Variants in PPFIBP2 observed in about 807,000 individuals in gnomAD.
PPFIBP2 encodes liprin-beta-2.
In PPFIBP2, 118 loss-of-function variants were observed where a neutral mutation model predicts 118.3. The ratio of observed to expected loss-of-function variants is 1.00; its 90% confidence interval spans 0.86 to 1.16. The LOEUF (loss-of-function observed/expected upper bound fraction) is 1.16. Among genes scored for constraint, PPFIBP2 ranks in the 50% most tolerant of loss-of-function variants. The pLI is 0.00. For missense variants in PPFIBP2, 1,195 were observed against 1,073.1 expected, an observed-to-expected ratio of 1.11 and a Z score of -1.59; for synonymous variants, 414 against 397.4, an observed-to-expected ratio of 1.04 and a Z score of -0.50.
rs184338661 is a variant in PPFIBP2, at chr11:7,530,469, G to A, written c.-37+16348G>A. ...CTTGGGAGGTGATTAGGTCATGAGA[G>A]TGGAGCCCTCATGCTTGAGATTGGT... On this transcript the variant is annotated intron_variant, in intron 1 of 23. Transcript: ENST00000299492. 1.6e-3 allele frequency among the ~76,000 whole-genome samples: 238 copies of A among 152,266 alleles called. 2 individuals carry two copies. Among genetic ancestry groups the A allele is most frequent in the Non-Finnish European group, 2.4e-3 (161 of 68,024 alleles).
At chr11:7,600,640 A>G (rs1861263603) in intron 5 of PPFIBP2, among the ~76,000 whole-genome samples, 1 of 152,094 alleles carries the variant, frequency 6.6e-6, no homozygotes, top group Non-Finnish European at 1.5e-5. Context: ...TCTGAAGGAA[A>G]TCCTTTCACT....
intron 3 of PPFIBP2, among the ~76,000 whole-genome samples, chr11:7,584,789 T>C (rs993938663): frequency 1.3e-5 from 2 of 152,150 alleles, no homozygotes; most frequent in African/African-American, 4.8e-5. Context: ...TCTTCTAAGT[T>C]TCTAAAAGGG....
chr11:7,657,103 G>T, downstream of PPFIBP2: 1 of 253,244 alleles, frequency 3.9e-6, no homozygotes, highest in South Asian at 4.8e-5. Flanking sequence ...AGACTCGATG[G>T]CTCGTGATAT....
At chr11:7,648,996 G>A (rs1853564829) in intron 19 of PPFIBP2, 85 bp downstream of exon 19, 3 of 1,382,346 alleles carry the variant, frequency 2.2e-6, no homozygotes, top group South Asian at 2.4e-5. Context: ...GGTACCTCAA[G>A]GACAGCTGTC....
chr11:7,559,051 C>A (rs1853988970), intron 2 of PPFIBP2, among the ~76,000 whole-genome samples: 1 of 152,162 alleles, frequency 6.6e-6, no homozygotes, highest in Non-Finnish European at 1.5e-5. Context: ...GCCCAGGCAT[C>A]TGGAGTTTGT....
chr11:7,657,434 C>T (rs1057452882), downstream of PPFIBP2, among the ~76,000 whole-genome samples: 1 of 151,558 alleles, frequency 6.6e-6, no homozygotes, highest in African/African-American at 2.4e-5. Flanking sequence ...AGAGGCGTCC[C>T]CAACACGTGC....
intron 23 of PPFIBP2, among the ~76,000 whole-genome samples, chr11:7,652,754 TAAG>T (rs1565133230): frequency 6.6e-6 from 1 of 152,200 alleles, no homozygotes; most frequent in African/African-American, 2.4e-5. Flanking sequence ...TCTATGGAAA[TAAG>T]AAAGTCACTT....
At chr11:7,582,257 T>A (rs1590360536) in intron 3 of PPFIBP2, among the ~76,000 whole-genome samples, 1 of 152,178 alleles carries the variant, frequency 6.6e-6, no homozygotes, top group Admixed American at 6.5e-5. Context: ...CAACCTTGAT[T>A]CTGAAAAGAG....
At chr11:7,540,736 G>A (rs887104987) in intron 1 of PPFIBP2, among the ~76,000 whole-genome samples, 7 of 152,202 alleles carry the variant, frequency 4.6e-5, no homozygotes, top group Admixed American at 1.3e-4. Flanking sequence ...AGATGGCTGT[G>A]CACAGCTGCT....
intron 1 of PPFIBP2, among the ~76,000 whole-genome samples, chr11:7,544,699 G>A (rs577635491): frequency 2.7e-5 from 4 of 150,350 alleles, no homozygotes; most frequent in East Asian, 3.9e-4. Context: ...GCATGAACCC[G>A]GGAGGCGGAG....
chr11:7,666,853 G>A, the PPFIBP2 span: 2 of 215,628 alleles, frequency 9.3e-6, no homozygotes, highest in African/African-American at 2.3e-5. Flanking sequence ...GGCTTCACTC[G>A]GAGCTCCAGC....
At chr11:7,598,011 G>T (rs147651539) in intron 5 of PPFIBP2, 42 of 216,604 alleles carry the variant, frequency 1.9e-4, no homozygotes, top group African/African-American at 8.9e-4. Flanking sequence ...TGGAGTTTTA[G>T]AAAGTCAATT....
chr11:7,573,130 G>A (rs753370686), intron 3 of PPFIBP2, among the ~76,000 whole-genome samples: 1 of 152,150 alleles, frequency 6.6e-6, no homozygotes, highest in South Asian at 2.1e-4. Context: ...TCCAAGTGTT[G>A]TCCTGGGACC....
chr11:7,628,402 T>C, intron 9 of PPFIBP2, 56 bp downstream of exon 9: 10 of 1,508,204 alleles, frequency 6.6e-6, no homozygotes, highest in Non-Finnish European at 9.2e-6. Flanking sequence ...CTGGCTGTGT[T>C]TGGTCCCTGC....
chr11:7,534,907 T>G, intron 1 of PPFIBP2, among the ~76,000 whole-genome samples: 1 of 152,234 alleles, frequency 6.6e-6, no homozygotes, highest in East Asian at 1.9e-4. Flanking sequence ...CGCAGGTTGC[T>G]GGGGAGCCAT....
intron 1 of PPFIBP2, among the ~76,000 whole-genome samples, chr11:7,531,984 T>C (rs1249054469): frequency 6.6e-6 from 1 of 152,132 alleles, no homozygotes; most frequent in Non-Finnish European, 1.5e-5. Context: ...TATAGGCATG[T>C]ACTACCACAC....
At chr11:7,651,310 C>G in intron 22 of PPFIBP2, 1 of 339,734 alleles carries the variant, frequency 2.9e-6, no homozygotes, top group South Asian at 6.2e-5. Context: ...GCAATAGGAT[C>G]CCTATCACTA....
rs144885878 is a variant in PPFIBP2 at position 7,642,334 on chromosome 11, C to T, written c.1554C>T (p.Asp518=). The T allele has an allele frequency of 2.7e-5, 44 of 1,614,044 alleles. No individual in the cohort carries two copies. The highest frequency in any genetic ancestry group is 3.7e-5 in the Non-Finnish European group (44 of 1,180,018). ...RRTQSGNFYT[D]TLGMAEFRRG... is the part of the protein sequence containing the mutation. Reference sequence around the variant, plus strand: ...CTCAGTCAGGAAATTTCTACACTGACACGCTGGGGATGGCAGAGTTTCGAC... The same window carrying T: ...CTCAGTCAGGAAATTTCTACACTGATACGCTGGGGATGGCAGAGTTTCGAC... Residue 518 remains aspartate, a synonymous_variant, in exon 17 of 24, where the codon GAC becomes GAT. Coordinates refer to ENST00000299492, the MANE Select transcript of PPFIBP2 (RefSeq NM_003621.5).
At chr11:7,657,074 C>T (rs7946703), downstream of PPFIBP2, 12,649 of 299,580 alleles carry the variant, frequency 0.042, 984 homozygotes, top group African/African-American at 0.2. Context: ...TGTGGGAGGG[C>T]AGTGACATAT....
Sources: allele counts gnomAD v4.1 joint callset (sites outside exome capture counted in the v4.1 genomes callset), GRCh38; gene constraint gnomAD v4.1.1; transcripts MANE v1.5; gene names NCBI Gene and HGNC (gene_info 2026-07-23, HGNC 2026-07-21).